DENND1A: variants seen among roughly 807,000 people sequenced by gnomAD.
DENND1A encodes the protein DENN domain-containing protein 1A.
DENND1A carries 51 observed loss-of-function variants against 113.7 expected under a neutral mutation model. The ratio of observed to expected loss-of-function variants is 0.45; its 90% CI spans 0.36 to 0.57. The LOEUF (loss-of-function observed/expected upper bound fraction) is 0.57. DENND1A is among the 20% of genes least tolerant of loss of function. DENND1A has a pLI of 0.00. For synonymous variants in DENND1A, 565 were observed against 570.8 expected (o/e 0.99, Z 0.14); for missense variants, 1,258 against 1,395.9 (o/e 0.90, Z 1.57).
At chr9:123,510,247 C>A (rs543105310) in intron 13 of DENND1A, among the ~76,000 whole-genome samples, 1 of 152,356 alleles carries the variant, frequency 6.6e-6, no homozygotes, top group East Asian at 1.9e-4. Context: ...CCTTGTATTA[C>A]CCCAGAGCTG....
At chr9:123,640,350 C>T (rs1435557917) in intron 9 of DENND1A, among the ~76,000 whole-genome samples, 1 of 152,178 alleles carries the variant, frequency 6.6e-6, no homozygotes, top group African/African-American at 2.4e-5. Flanking sequence ...GCTAGTCCTC[C>T]TCCCAGCTAC....
intron 13 of DENND1A, among the ~76,000 whole-genome samples, chr9:123,507,573 G>T (rs1278659380): frequency 6.6e-6 from 1 of 151,958 alleles, no homozygotes; most frequent in Non-Finnish European, 1.5e-5. Context: ...TTTTTGCTGG[G>T]CACAGTGGCT....
At chr9:123,915,960 T>G (rs77632518) in intron 1 of DENND1A, among the ~76,000 whole-genome samples, 1 of 152,132 alleles carries the variant, frequency 6.6e-6, no homozygotes, top group East Asian at 1.9e-4. Context: ...ACAATCTCTA[T>G]GGAGGAGAAT....
chr9:123,382,054 G>A lies in DENND1A; in HGVS notation c.2591C>T (p.Ala864Val). 6.7e-7 allele frequency: 1 copy of A among 1,501,570 alleles called. No homozygotes were observed. The highest frequency in any genetic ancestry group is 1.4e-5 in the African/African-American group (1 of 71,854). The allele number at this position is 1,501,570 out of a possible 1,614,324, so 93.0% of individuals were successfully genotyped here. The stretch of plus-strand genomic sequence containing the variant: ...GAATGGGGTGGCTACATTCGGGGTG[G>A]CGGGGCGTGACGGGAGGGTGCTGCC... ...WSGSTLPSRP[A>V]TPNVATPFTP... Residue 864 changes from alanine (A) to valine (V), a missense_variant, in exon 24 of 24, where the codon GCC becomes GTC. Coordinates refer to ENST00000394215, the MANE Select transcript of DENND1A (RefSeq NM_001352964.2).
chr9:123,671,998 G>C (rs968446382), intron 6 of DENND1A, among the ~76,000 whole-genome samples: 1 of 152,194 alleles, frequency 6.6e-6, no homozygotes, highest in African/African-American at 2.4e-5. Context: ...TTATCCAAAT[G>C]CTATTTCTCC....
At chr9:123,836,620 T>A (rs541056752) in intron 2 of DENND1A, among the ~76,000 whole-genome samples, 3 of 152,284 alleles carry the variant, frequency 2.0e-5, no homozygotes, top group African/African-American at 7.2e-5. Flanking sequence ...ATATCTCATA[T>A]TAGAGAATTT....
intron 5 of DENND1A, among the ~76,000 whole-genome samples, chr9:123,700,716 T>C (rs1373485712): frequency 1.3e-5 from 2 of 152,230 alleles, no homozygotes; most frequent in Non-Finnish European, 2.9e-5. Context: ...AGATTTAAAA[T>C]ACCTTCACAG....
intron 13 of DENND1A, among the ~76,000 whole-genome samples, chr9:123,525,398 G>A (rs1410589192): frequency 6.6e-6 from 1 of 152,118 alleles, no homozygotes; most frequent in African/African-American, 2.4e-5. Flanking sequence ...TTTTTCGAGG[G>A]CATCTCTGAA....
intron 16 of DENND1A, among the ~76,000 whole-genome samples, chr9:123,453,102 C>G (rs2047856974): frequency 6.6e-6 from 1 of 152,174 alleles, no homozygotes; most frequent in Non-Finnish European, 1.5e-5. Flanking sequence ...GTCCGTGAAT[C>G]CATTTCTCAG....
intron 5 of DENND1A, among the ~76,000 whole-genome samples, chr9:123,747,275 C>T (rs2069595777): frequency 6.6e-6 from 1 of 152,040 alleles, no homozygotes; most frequent in Admixed American, 6.6e-5. Context: ...TCCATTAATT[C>T]ACATAAAGAG....
intron 23 of DENND1A, 42 bp downstream of exon 23, chr9:123,383,613 G>GCAGTCAC (rs771515117): frequency 5.7e-6 from 9 of 1,589,832 alleles, no homozygotes; most frequent in Non-Finnish European, 3.4e-6. Flanking sequence ...TGTGCGGACA[G>GCAGTCAC]TGCCGGCCCC....
intron 1 of DENND1A, among the ~76,000 whole-genome samples, chr9:123,879,281 C>T (rs1847977998): frequency 6.6e-6 from 1 of 152,008 alleles, no homozygotes; most frequent in African/African-American, 2.4e-5. Context: ...ACCTGTAATC[C>T]CAGCACTTTG....
chr9:123,433,243 G>A (rs1469527703), intron 19 of DENND1A, among the ~76,000 whole-genome samples: 1 of 152,224 alleles, frequency 6.6e-6, no homozygotes, highest in Non-Finnish European at 1.5e-5. Flanking sequence ...AAGGTCACCA[G>A]CTAGTGAGTG....
intron 5 of DENND1A, among the ~76,000 whole-genome samples, chr9:123,719,537 C>T (rs1299404234): frequency 6.6e-6 from 1 of 152,174 alleles, no homozygotes; most frequent in Non-Finnish European, 1.5e-5. Flanking sequence ...TATTATTAAT[C>T]CTCGTTTTAA....
chr9:123,681,185 G>T lies in DENND1A; in HGVS notation c.303-4396C>A, dbSNP rs114472225. ...CAAGGAGGGGTTAGACCTGGCATGG[G>T]ATAAAGACAGCATCTATGTGGAGTG... On this transcript the variant is annotated intron_variant, in intron 5 of 23. Coordinates refer to ENST00000394215, the MANE Select transcript of DENND1A (RefSeq NM_001352964.2). Among the ~76,000 whole-genome samples, 210 of 152,190 alleles carry T rather than the reference G, an allele frequency of 1.4e-3. 1 individual carries two copies. Among genetic ancestry groups the T allele is most frequent in the African/African-American group, 4.8e-3 (201 of 41,506 alleles).
chr9:123,850,867 C>G (rs1843242738), intron 2 of DENND1A, among the ~76,000 whole-genome samples: 1 of 151,310 alleles, frequency 6.6e-6, no homozygotes, highest in Non-Finnish European at 1.5e-5. Context: ...TATTTAAGTC[C>G]CAAATGATAA....
rs982111486 is a variant in DENND1A, at chr9:123,764,690, T to G, written c.182+4824A>C. On this transcript the variant is annotated intron_variant, in intron 4 of 23. Transcript: ENST00000394215. This position sits in a 1 kb window ranked among gnomAD's most constrained non-coding sequence, Gnocchi z 4.1. Reference sequence around the variant, plus strand: ...CTACATGAGCCTGACAAAGTCAACATGAAGCATAACTGCAGAATTTAAAAG... The same window carrying G: ...CTACATGAGCCTGACAAAGTCAACAGGAAGCATAACTGCAGAATTTAAAAG... Among the ~76,000 whole-genome samples the G allele has an allele frequency of 1.3e-5, 2 of 152,162 alleles. No homozygotes were observed. The highest frequency in any genetic ancestry group is 4.8e-5 in the African/African-American group (2 of 41,440).
chr9:123,468,062 T>C (rs1310512000), intron 13 of DENND1A, among the ~76,000 whole-genome samples: 1 of 152,202 alleles, frequency 6.6e-6, no homozygotes, highest in Non-Finnish European at 1.5e-5. Flanking sequence ...CCAGGTGGAC[T>C]GTCCCCAGCA....
chr9:123,708,388 C>G (rs997210406), intron 5 of DENND1A, among the ~76,000 whole-genome samples: 1 of 151,962 alleles, frequency 6.6e-6, no homozygotes, highest in Admixed American at 6.6e-5. Context: ...TGCATTATAC[C>G]TATATTAATT....
Sources: gnomAD v4.1 joint callset for allele counts (sites outside exome capture counted in the v4.1 genomes callset) on GRCh38, gnomAD v4.1.1 for gene constraint, Gnocchi (gnomAD v3.1) non-coding constraint, MANE v1.5 for transcripts, NCBI Gene and HGNC (gene_info 2026-07-23, HGNC 2026-07-21) for gene names.